The following PSMA6 variants were observed in gnomAD, a reference collection of about 807,000 sequenced individuals.
PSMA6 encodes proteasome subunit alpha type-6.
For missense variants in PSMA6, 170 were observed against 294.8 expected (o/e 0.58, Z 3.10); for synonymous variants, 88 against 97.7 (o/e 0.90, Z 0.59).
At chr14:35,291,395 AT>A, upstream of PSMA6, among the ~76,000 whole-genome samples, 1 of 151,518 alleles carries the variant, frequency 6.6e-6, no homozygotes, top group Non-Finnish European at 1.5e-5. Context: ...TTTTTTTTGT[AT>A]TTTTTAGTAG....
chr14:35,291,219 T>G (rs2051475171), upstream of PSMA6, among the ~76,000 whole-genome samples: 1 of 138,394 alleles, frequency 7.2e-6, no homozygotes, highest in African/African-American at 2.7e-5. Context: ...AGGCTTTCTT[T>G]CTTTTTTTTT....
At position 35,298,591 on chromosome 14, in the gene PSMA6, T is replaced by C. The variant is rs78229665; in HGVS notation, c.76+6039T>C. 4.1e-3 allele frequency among the ~76,000 whole-genome samples: 630 copies of C among 152,314 alleles called. 8 individuals carry two copies. The highest frequency in any genetic ancestry group is 0.014 in the African/African-American group (589 of 41,574). ...TACTCAGTTTTAGAGTTCTGTAAGT[T>C]TCCAAAATTTTAGCCCAAACCAAAG... is the stretch of plus-strand genomic sequence containing the variant. On this transcript the variant is annotated intron_variant, in intron 1 of 6. Coordinates refer to ENST00000261479, the MANE Select transcript of PSMA6 (RefSeq NM_002791.3).
chr14:35,312,477 A>C (rs1301617887), intron 4 of PSMA6, among the ~76,000 whole-genome samples: 1 of 142,234 alleles, frequency 7.0e-6, no homozygotes, highest in African/African-American at 2.7e-5. Context: ...ACTGCACTCC[A>C]GCCTGGGAGA....
chr14:35,303,905 C>A lies in PSMA6; in HGVS notation c.77-4089C>A, dbSNP rs140182729. 9.8e-3 allele frequency among the ~76,000 whole-genome samples: 1,457 copies of A among 148,810 alleles called. 15 individuals carry two copies. The highest frequency in any genetic ancestry group is 0.016 in the Non-Finnish European group (1,104 of 67,314). On this transcript the variant is annotated intron_variant, in intron 1 of 6. Coordinates refer to ENST00000261479, the MANE Select transcript of PSMA6 (RefSeq NM_002791.3). Reference sequence around the variant, plus strand: ...GTGTAGTGTAAGCTAGAGATAATTTCTTTCTTTTTTTTTTTTTAAACGGAG... The same window carrying A: ...GTGTAGTGTAAGCTAGAGATAATTTATTTCTTTTTTTTTTTTTAAACGGAG...
rs888155875 is a variant in PSMA6, at chr14:35,312,780, G to A, written c.410-101G>A. On this transcript the variant is annotated intron_variant, in intron 4 of 6. Transcript: ENST00000261479. ...GAAAATACATATCCTAAAATTGATG[G>A]CCAAAGTCATGATTAGCAGCAGCTA... 3.4e-4 allele frequency: 361 copies of A among 1,069,216 alleles called. 4 individuals carry two copies. The highest frequency in any genetic ancestry group is 6.8e-5 in the Non-Finnish European group (52 of 764,476). 66.2% of individuals were successfully genotyped at this position (1,069,216 alleles called of 1,614,324 possible). A position where few individuals can be genotyped will look rare whatever the true frequency, so the allele number is the denominator to read the frequency against.
chr14:35,316,385 C>T (rs1054534631), intron 6 of PSMA6: 1 of 103,732 alleles, frequency 9.6e-6, no homozygotes, highest in Admixed American at 1.0e-4. Context: ...GACTCCATCT[C>T]AAAAAAAAAA....
chr14:35,299,327 C>CTTTTTTTTTTTTTTTT (rs71445906), intron 1 of PSMA6, among the ~76,000 whole-genome samples: 1,967 of 65,882 alleles, frequency 0.03, 559 homozygotes, highest in Non-Finnish European at 0.032. Context: ...TGCCCAGCCT[C>CTTTTTTTTTTTTTTTT]TTTTTTTTTT....
At chr14:35,307,863 C>G in intron 1 of PSMA6, 131 bp from the exon 2 acceptor site, 2 of 715,292 alleles carry the variant, frequency 2.8e-6, no homozygotes, top group Non-Finnish European at 4.5e-6. Context: ...TTTGACTTTG[C>G]ACATCCTGGA....
At chr14:35,297,119 G>GTTTTTTTTTTTT (rs924383407) in intron 1 of PSMA6, among the ~76,000 whole-genome samples, 1 of 62,656 alleles carries the variant, frequency 1.6e-5, no homozygotes, top group Non-Finnish European at 2.9e-5. Context: ...TCTTAACAAA[G>GTTTTTTTTTTTT]TTTTTTTTTT....
chr14:35,288,731 A>T (rs2051446544), upstream of PSMA6, among the ~76,000 whole-genome samples: 1 of 152,214 alleles, frequency 6.6e-6, no homozygotes, highest in African/African-American at 2.4e-5. Flanking sequence ...TGTGTGAAAT[A>T]ATTCTCATAG....
intron 6 of PSMA6, chr14:35,317,040 G>T: frequency 4.2e-6 from 2 of 481,654 alleles, no homozygotes; most frequent in South Asian, 6.6e-5. Flanking sequence ...TTGTGTATAG[G>T]TGAAGGTGGT....
intron 6 of PSMA6, 109 bp downstream of exon 6, chr14:35,314,564 T>G: frequency 7.6e-7 from 1 of 1,311,254 alleles, no homozygotes; most frequent in African/African-American, 1.5e-5. Flanking sequence ...CATTATAGTT[T>G]TTGTTTGTGT....
intron 1 of PSMA6, among the ~76,000 whole-genome samples, chr14:35,293,747 A>G (rs1176541193): frequency 6.6e-6 from 1 of 152,256 alleles, no homozygotes; most frequent in Non-Finnish European, 1.5e-5. Context: ...GTATCCTCAA[A>G]GAATTTTCAT....
At chr14:35,310,715 A>G (rs753776691) in intron 3 of PSMA6, 25 bp from the exon 4 acceptor site, 1 of 1,610,464 alleles carries the variant, frequency 6.2e-7, no homozygotes, top group Non-Finnish European at 8.5e-7. Context: ...CTAACCAGGT[A>G]AATCTTTGTT....
At chr14:35,301,474 A>G (rs1594384454) in intron 1 of PSMA6, among the ~76,000 whole-genome samples, 1 of 151,724 alleles carries the variant, frequency 6.6e-6, no homozygotes, top group Middle Eastern at 3.4e-3. Flanking sequence ...TCCACTGCAC[A>G]CCAGCCTGAG....
chr14:35,314,412 G>A lies in PSMA6; in HGVS notation c.640G>A (p.Glu214Lys). The change falls in exon 6 of 7, where the codon GAA becomes AAA. Residue 214 changes from glutamate to lysine, a missense_variant. By Grantham distance (56) the Glu-to-Lys change is moderately conservative. Coordinates refer to ENST00000261479, the MANE Select transcript of PSMA6 (RefSeq NM_002791.3). ...TVLSIDFKPS[E>K]IEVGVVTVEN... ...TCTATCAATTGATTTCAAACCTTCA[G>A]AAATAGAAGTTGGAGTAGTGACAGT... The A allele has an allele frequency of 6.2e-7, 1 of 1,612,110 alleles. No homozygotes were observed. Among genetic ancestry groups the A allele is most frequent in the Admixed American group, 1.7e-5 (1 of 59,900 alleles).
chr14:35,291,049 T>G (rs1250906613), upstream of PSMA6, among the ~76,000 whole-genome samples: 1 of 151,862 alleles, frequency 6.6e-6, no homozygotes. Context: ...TGGAGTGCAG[T>G]GGCGTGATCA....
intron 1 of PSMA6, among the ~76,000 whole-genome samples, chr14:35,303,415 C>T (rs1255355870): frequency 6.6e-6 from 1 of 152,152 alleles, no homozygotes; most frequent in African/African-American, 2.4e-5. Flanking sequence ...GCTATTGTTA[C>T]CCCAAACTGT....
intron 1 of PSMA6, among the ~76,000 whole-genome samples, chr14:35,304,145 G>C (rs920654052): frequency 6.6e-6 from 1 of 151,926 alleles, no homozygotes; most frequent in Non-Finnish European, 1.5e-5. Flanking sequence ...GCTAATTTTT[G>C]TATTTTTAAT....
Sources: gnomAD v4.1 joint callset for allele counts (sites outside exome capture counted in the v4.1 genomes callset) on GRCh38, gnomAD v4.1.1 for gene constraint, MANE v1.5 for transcripts, NCBI Gene and HGNC (gene_info 2026-07-23, HGNC 2026-07-21) for gene names.